The following DSP variants were observed in gnomAD, a reference collection of about 807,000 sequenced individuals.
The protein encoded by DSP is desmoplakin.
A neutral mutation model predicts 290.6 loss-of-function variants in DSP; 114 were observed. The ratio of observed to expected loss-of-function variants is 0.39; its 90% confidence interval spans 0.34 to 0.46. The LOEUF (loss-of-function observed/expected upper bound fraction) is 0.46, where lower values mean the gene tolerates loss of function less well. Ranked by LOEUF, DSP falls within the 20% of genes least tolerant of loss-of-function variation. DSP has a pLI of 0.99. For missense variants in DSP, 3,230 were observed against 3,495.8 expected, an observed-to-expected ratio of 0.92 and a Z score of 1.92; for synonymous variants, 1,311 against 1,316.4, an observed-to-expected ratio of 1.00 and a Z score of 0.09.
At chr6:7,560,086 G>GT (rs1381361761) in intron 4 of DSP, among the ~76,000 whole-genome samples, 2 of 152,236 alleles carry the variant, frequency 1.3e-5, no homozygotes, top group Admixed American at 6.5e-5. Flanking sequence ...TAATGAACAG[G>GT]TGGTGGTAGA....
At chr6:7,555,959 T>C (rs1675921759) in intron 2 of DSP, 139 bp downstream of exon 2, 1 of 748,166 alleles carries the variant, frequency 1.3e-6, no homozygotes, top group Middle Eastern at 3.1e-4. Flanking sequence ...CAGAACAGAC[T>C]ACAGAGAGAT....
chr6:7,567,301 A>T (rs369970637), intron 8 of DSP, 53 bp from the exon 9 acceptor site: 3 of 1,387,408 alleles, frequency 2.2e-6, no homozygotes, highest in South Asian at 1.2e-5. Flanking sequence ...CTTGGTGTTC[A>T]TGCATCTGTA....
At chr6:7,567,533 A>G (rs1758898579) in intron 9 of DSP, 84 bp downstream of exon 9, 1 of 1,310,262 alleles carries the variant, frequency 7.6e-7, no homozygotes, top group Admixed American at 1.7e-5. Context: ...CACTGAAAAT[A>G]ATCTTCAAAA....
chr6:7,553,692 G>A (rs1182352449), intron 1 of DSP, among the ~76,000 whole-genome samples: 1 of 152,158 alleles, frequency 6.6e-6, no homozygotes, highest in Admixed American at 6.5e-5. Flanking sequence ...TATGAGAAAC[G>A]GACCTCATTT....
intron 1 of DSP, among the ~76,000 whole-genome samples, chr6:7,543,080 C>T (rs929087153): frequency 9.2e-5 from 14 of 152,274 alleles, no homozygotes; most frequent in Non-Finnish European, 1.5e-4. Flanking sequence ...GGAAGAGATC[C>T]TGTCCCTGCT....
rs562416049 is a variant in DSP, at chr6:7,569,994, T to C, written c.1575-443T>C. Among the ~76,000 whole-genome samples, 6 of 152,380 alleles carry C rather than the reference T, an allele frequency of 3.9e-5. No individual in the cohort carries two copies. In the South Asian group the frequency reaches 8.3e-4, roughly 21 times the overall value. On this transcript the variant is annotated intron_variant, in intron 12 of 23. Transcript: ENST00000379802. ...TGCCTTTAATATCAATATTCACTCATTGTAGGAAGAACATTCGTTTAACAG... is the reference window on the plus strand; with the variant it reads ...TGCCTTTAATATCAATATTCACTCACTGTAGGAAGAACATTCGTTTAACAG...
At chr6:7,572,127 G>A in intron 15 of DSP, 59 bp downstream of exon 15, 1 of 1,420,742 alleles carries the variant, frequency 7.0e-7, no homozygotes, top group Non-Finnish European at 9.8e-7. Context: ...ACCTGTAAAT[G>A]AATAAAAAAA....
Position 7,580,761 on chromosome 6 carries a change from C to A in DSP, c.4571C>A (p.Thr1524Lys), listed in dbSNP as rs397516941. ...LQKANSSATETINKLKVQEQE... is the reference protein window; with the variant it reads ...LQKANSSATEKINKLKVQEQE... Reference sequence around the variant, plus strand: ...AAAGCAAACAGTAGTGCGACGGAGACAATAAACAAACTGAAGGTTCAGGAG... The same window carrying A: ...AAAGCAAACAGTAGTGCGACGGAGAAAATAAACAAACTGAAGGTTCAGGAG... The change falls in exon 23 of 24, where the codon ACA becomes AAA. Residue 1524 changes from threonine to lysine, a missense_variant. Physicochemically the swap from Thr to Lys is moderately conservative, Grantham distance 78. Transcript: ENST00000379802. The surrounding 1 kb of genome is among the most constrained non-coding windows in gnomAD (Gnocchi z 4.2). 1 of 1,614,052 alleles carries A rather than the reference C, an allele frequency of 6.2e-7. No individual in the cohort carries two copies. The highest frequency in any genetic ancestry group is 1.3e-5 in the African/African-American group (1 of 75,018).
At chr6:7,544,588 T>C (rs1288775643) in intron 1 of DSP, among the ~76,000 whole-genome samples, 1 of 152,090 alleles carries the variant, frequency 6.6e-6, no homozygotes, top group Admixed American at 6.6e-5. Context: ...GAATTATTAA[T>C]AGATTGGTGA....
chr6:7,585,248 C>A lies in DSP; in HGVS notation c.7986C>A (p.His2662Gln), dbSNP rs753720770. ...AGGCCTGCACAGGTGGCATCATCCA[C>A]CCAACCACGGGCCAGAAGCTGTCAC... ...EAQACTGGII[H>Q]PTTGQKLSLQ... The change falls in exon 24 of 24, where the codon CAC becomes CAA. Residue 2662 changes from histidine (H) to glutamine (Q), a missense_variant. Around this residue, in one of 5 missense-constraint regions of DSP, gnomAD observed 582 missense variants for 555.4 expected, o/e 1.05. Coordinates refer to ENST00000379802, the MANE Select transcript of DSP (RefSeq NM_004415.4). The A allele has an allele frequency of 5.5e-5, 88 of 1,614,056 alleles. 1 individual carries two copies. In the South Asian group the frequency reaches 8.3e-4, roughly 15 times the overall value.
chr6:7,560,079 T>C (rs766106270), intron 4 of DSP, among the ~76,000 whole-genome samples: 2 of 152,236 alleles, frequency 1.3e-5, no homozygotes, highest in African/African-American at 4.8e-5. Flanking sequence ...TGTCCTATAA[T>C]GAACAGGTGG....
Position 7,575,507 on chromosome 6 carries a change from G to C in DSP, c.2630+19G>C, listed in dbSNP as rs139830549. The C allele has an allele frequency of 6.8e-6, 11 of 1,613,470 alleles. No individual in the cohort carries two copies. The highest frequency in any genetic ancestry group is 9.3e-6 in the Non-Finnish European group (11 of 1,179,688). On this transcript the variant is annotated intron_variant, in intron 18 of 23. Transcript: ENST00000379802. ...ACTTTAGGTATGCCAGCCTCCTCCC[G>C]CTCCTTCCCCATCTTCTCCCCTTTT...
Position 7,569,353 on chromosome 6 carries a change from A to G in DSP, c.1574+13A>G, listed in dbSNP as rs1489928175. On this transcript the variant is annotated intron_variant, in intron 12 of 23. Coordinates refer to ENST00000379802, the MANE Select transcript of DSP (RefSeq NM_004415.4). ...ACCTCTCTTGCAAGTAAGTCATCCA[A>G]GTTCCCAAAGCCACGCATGCACGCA... 2 of 1,614,048 alleles carry G rather than the reference A, an allele frequency of 1.2e-6. No homozygotes were observed. The highest frequency in any genetic ancestry group is 1.7e-6 in the Non-Finnish European group (2 of 1,180,046).
In DSP at chr6:7,562,726, C is replaced by T; in HGVS notation, c.672C>T (p.Ile224=). The T allele has an allele frequency of 6.2e-7, 1 of 1,614,170 alleles. No homozygotes were observed. ...VEQHINSHRG[I]HNSIGDYRWQ... Reference sequence around the variant, plus strand: ...AGCACATTAACAGCCACCGGGGCATCCACAACTCCATCGGCGACTATCGCT... The same window carrying T: ...AGCACATTAACAGCCACCGGGGCATTCACAACTCCATCGGCGACTATCGCT... Residue 224 remains isoleucine, a synonymous_variant, in exon 5 of 24, where the codon ATC becomes ATT. Transcript: ENST00000379802.
chr6:7,579,714 G>GGGT lies in DSP; in HGVS notation c.3525_3527dup (p.Val1176dup). The GGGT allele has an allele frequency of 6.2e-7, 1 of 1,613,632 alleles. No individual in the cohort carries two copies. The highest frequency in any genetic ancestry group is 8.5e-7 in the Non-Finnish European group (1 of 1,179,782). On this transcript the variant is annotated inframe_insertion, in exon 23 of 24. Coordinates refer to ENST00000379802, the MANE Select transcript of DSP (RefSeq NM_004415.4). This position sits in a 1 kb window ranked among gnomAD's most constrained non-coding sequence, Gnocchi z 4.1. ...AAGGAGTACGAGATTGAAAGGTTGA[G>GGGT]GGTTCTACTGCAGGAAGAAGGCACC...
chr6:7,578,179 T>C (rs1490428399), intron 21 of DSP, among the ~76,000 whole-genome samples: 1 of 152,148 alleles, frequency 6.6e-6, no homozygotes, highest in African/African-American at 2.4e-5. Context: ...TTCTAAAAAG[T>C]GGAAAATACA....
rs778350289 is a variant in DSP at position 7,574,719 on chromosome 6, A to C, written c.2360A>C (p.Tyr787Ser). The C allele has an allele frequency of 1.2e-6, 2 of 1,614,180 alleles. No homozygotes were observed. The highest frequency in any genetic ancestry group is 3.3e-5 in the Admixed American group (2 of 60,032). ...CAAACAGAAGACATGTTAAAGGTTT[A>C]TGAAGCCAGGCTCACTGAGGAGGAA... is the stretch of plus-strand genomic sequence containing the variant. Reference protein sequence around the residue: ...ILQTEDMLKVYEARLTEEETV... With the variant: ...ILQTEDMLKVSEARLTEEETV... The change falls in exon 17 of 24, where the codon TAT becomes TCT. Residue 787 changes from tyrosine (Y) to serine (S), a missense_variant. By Grantham distance (144) the Tyr-to-Ser change is moderately radical. This residue lies in a region of DSP where 1,714 missense variants were observed against 1,844.5 expected (regional missense o/e 0.93). Coordinates refer to ENST00000379802, the MANE Select transcript of DSP (RefSeq NM_004415.4).
intron 1 of DSP, among the ~76,000 whole-genome samples, chr6:7,551,473 A>T (rs1222604497): frequency 5.3e-5 from 8 of 152,156 alleles, no homozygotes; most frequent in Non-Finnish European, 1.2e-4. Context: ...TACTAAAAAT[A>T]CAAAAATTAG....
In DSP at chr6:7,585,547, A is replaced by G; in HGVS notation, c.8285A>G (p.Gln2762Arg). 1 of 1,614,210 alleles carries G rather than the reference A, an allele frequency of 6.2e-7. No homozygotes were observed. Among genetic ancestry groups the G allele is most frequent in the Non-Finnish European group, 8.5e-7 (1 of 1,180,040 alleles). Residue 2762 changes from glutamine (Q) to arginine (R), a missense_variant, in exon 24 of 24, where the codon CAG becomes CGG. This residue lies in a region of DSP where 582 missense variants were observed against 555.4 expected (regional missense o/e 1.05). Coordinates refer to ENST00000379802, the MANE Select transcript of DSP (RefSeq NM_004415.4). ...RKGFIDGRAAQRLQDTSSYAK... is the reference protein window; with the variant it reads ...RKGFIDGRAARRLQDTSSYAK... ...GGGTTCATAGATGGCCGCGCCGCAC[A>G]GAGGCTGCAAGACACCAGCAGCTAT...
Sources: allele counts gnomAD v4.1 joint callset (sites outside exome capture counted in the v4.1 genomes callset), GRCh38; gene constraint gnomAD v4.1.1; regional missense constraint gnomAD v4.1.1; non-coding constraint Gnocchi (gnomAD v3.1); transcripts MANE v1.5; gene names NCBI Gene and HGNC (gene_info 2026-07-23, HGNC 2026-07-21).